The following PDE1C variants were observed in gnomAD, a reference collection of about 807,000 sequenced individuals.
The protein encoded by PDE1C is dual specificity calcium/calmodulin-dependent 3',5'-cyclic nucleotide phosphodiesterase 1C.
Under a neutral mutation model 93.1 loss-of-function variants are expected in PDE1C, and 62 were observed. The ratio of observed to expected loss-of-function variants is 0.67; its 90% confidence interval spans 0.54 to 0.82. The LOEUF is 0.82. Ranked by LOEUF, PDE1C falls within the 40% of genes least tolerant of loss-of-function variation. The pLI is 0.00. For missense variants in PDE1C, 742 were observed against 884.6 expected (o/e 0.84, Z 2.04); for synonymous variants, 325 against 310.1 (o/e 1.05, Z -0.50).
chr7:31,771,131 T>C (rs1795465094), intron 17 of PDE1C, among the ~76,000 whole-genome samples: 1 of 152,168 alleles, frequency 6.6e-6, no homozygotes, highest in African/African-American at 2.4e-5. Flanking sequence ...CATTTTAAAG[T>C]GTTTGACAGC....
intron 2 of PDE1C, among the ~76,000 whole-genome samples, chr7:31,995,690 A>G (rs1242037975): frequency 6.6e-6 from 1 of 152,106 alleles, no homozygotes; most frequent in African/African-American, 2.4e-5. Context: ...AAATTCCCCA[A>G]AGAACCTAGA....
chr7:31,950,876 G>A (rs57500675), intron 2 of PDE1C, among the ~76,000 whole-genome samples: 9,236 of 152,166 alleles, frequency 0.061, 477 homozygotes, highest in African/African-American at 0.14. Context: ...CTGAGTGTAC[G>A]ATATGTTTGT....
intron 17 of PDE1C, among the ~76,000 whole-genome samples, chr7:31,754,058 AAAG>A (rs1201858677): frequency 2.1e-5 from 3 of 139,622 alleles, no homozygotes; most frequent in African/African-American, 1.0e-4. Context: ...AGCTCAAGAA[AAAG>A]AAACAACCCA....
intron 3 of PDE1C, among the ~76,000 whole-genome samples, chr7:32,152,829 T>A (rs1410695058): frequency 6.6e-6 from 1 of 152,134 alleles, no homozygotes; most frequent in Non-Finnish European, 1.5e-5. Context: ...AAATGATCCA[T>A]GAAAAAATTA....
At chr7:31,723,130 C>A in the PDE1C span, among the ~76,000 whole-genome samples, 1 of 152,150 alleles carries the variant, frequency 6.6e-6, no homozygotes. Context: ...CTGCTTCATG[C>A]CACCAACATC....
At chr7:31,858,601 T>C (rs78660749) in intron 7 of PDE1C, among the ~76,000 whole-genome samples, 2,227 of 152,254 alleles carry the variant, frequency 0.015, 53 homozygotes, top group African/African-American at 0.051. Flanking sequence ...CCCACTAATA[T>C]GTTACCTTAT....
At chr7:31,939,598 G>A (rs1563068731) in intron 2 of PDE1C, among the ~76,000 whole-genome samples, 1 of 152,074 alleles carries the variant, frequency 6.6e-6, no homozygotes, top group Non-Finnish European at 1.5e-5. Flanking sequence ...ATTGATAAGA[G>A]ATGAGGAATA....
intron 2 of PDE1C, among the ~76,000 whole-genome samples, chr7:32,199,904 A>T (rs1804890102): frequency 6.6e-6 from 1 of 152,204 alleles, no homozygotes; most frequent in South Asian, 2.1e-4. Flanking sequence ...GATTTAATGT[A>T]CACAAACTTT....
chr7:31,924,427 T>C (rs1340850632), intron 2 of PDE1C, among the ~76,000 whole-genome samples: 1 of 152,244 alleles, frequency 6.6e-6, no homozygotes, highest in Non-Finnish European at 1.5e-5. Context: ...GCATTTCCCA[T>C]GTCTCCCATG....
chr7:31,744,246 T>G, the PDE1C span, among the ~76,000 whole-genome samples: 3 of 152,016 alleles, frequency 2.0e-5, no homozygotes, highest in Non-Finnish European at 1.5e-5. Context: ...AGATTAAGGT[T>G]TCTTTATGTA....
At chr7:31,669,890 C>A in the PDE1C span, among the ~76,000 whole-genome samples, 16 of 152,162 alleles carry the variant, frequency 1.1e-4, no homozygotes, top group Non-Finnish European at 2.2e-4. Context: ...TTTTCTCTAA[C>A]CCCTACCCTT....
chr7:31,864,989 C>T lies in PDE1C; in HGVS notation c.703G>A (p.Asp235Asn), dbSNP rs1225158489. 7 of 1,613,926 alleles carry T rather than the reference C, an allele frequency of 4.3e-6. No individual in the cohort carries two copies. Among genetic ancestry groups the T allele is most frequent in the Admixed American group, 1.7e-5 (1 of 59,992 alleles). Residue 235 changes from aspartate (D) to asparagine (N), a missense_variant, in exon 7 of 18, where the codon GAT becomes AAT. Physicochemically the swap from Asp to Asn is conservative, Grantham distance 23 (BLOSUM62 1). Coordinates refer to ENST00000396191, the MANE Select transcript of PDE1C (RefSeq NM_001191057.4). ...AGGTAATGCACTGTCTGTGTAACAT[C>T]GGCAGCGTGCATTAAGTTATGGTAA... ...NPYHNLMHAA[D>N]VTQTVHYLLY...
chr7:31,820,371 T>TA (rs1330946942), intron 14 of PDE1C, among the ~76,000 whole-genome samples: 3 of 151,812 alleles, frequency 2.0e-5, no homozygotes, highest in African/African-American at 7.3e-5. Context: ...AAATAAATGT[T>TA]AAAAAAAAGT....
intron 3 of PDE1C, among the ~76,000 whole-genome samples, chr7:32,145,602 T>C (rs959946832): frequency 1.3e-5 from 2 of 152,280 alleles, no homozygotes; most frequent in South Asian, 2.1e-4. Context: ...TTATTCATGA[T>C]TCTGTGGGCA....
intron 1 of PDE1C, among the ~76,000 whole-genome samples, chr7:32,066,750 CAA>C (rs1050269773): frequency 6.6e-6 from 1 of 151,856 alleles, no homozygotes; most frequent in African/African-American, 2.4e-5. Context: ...CAGAGGGACA[CAA>C]AAAAGTAATT....
chr7:31,777,905 A>G (rs1783120507), intron 16 of PDE1C, among the ~76,000 whole-genome samples: 1 of 152,086 alleles, frequency 6.6e-6, no homozygotes, highest in Admixed American at 6.5e-5. Flanking sequence ...GAGAACATAG[A>G]GGGTCCAACC....
At chr7:32,348,356 CTTTTTTTTTTT>C (rs59148183) in intron 1 of PDE1C, among the ~76,000 whole-genome samples, 1 of 57,314 alleles carries the variant, frequency 1.7e-5, no homozygotes, top group Non-Finnish European at 3.3e-5. Flanking sequence ...AACAAATGTG[CTTTTTTTTTTT>C]TTTTTTTTTT....
chr7:31,964,512 T>C (rs910178403), intron 2 of PDE1C, among the ~76,000 whole-genome samples: 3 of 152,212 alleles, frequency 2.0e-5, no homozygotes, highest in East Asian at 1.9e-4. Flanking sequence ...CCTGCCTCTG[T>C]AGGCTCCACC....
At chr7:31,849,417 C>T (rs1231142168) in intron 8 of PDE1C, among the ~76,000 whole-genome samples, 1 of 152,114 alleles carries the variant, frequency 6.6e-6, no homozygotes, top group Non-Finnish European at 1.5e-5. Flanking sequence ...TGGAACACAA[C>T]CACAAAAAGC....
Sources: gnomAD v4.1 joint callset for allele counts (sites outside exome capture counted in the v4.1 genomes callset) on GRCh38, gnomAD v4.1.1 for gene constraint, MANE v1.5 for transcripts, NCBI Gene and HGNC (gene_info 2026-07-23, HGNC 2026-07-21) for gene names.